THADA: variants seen among roughly 807,000 people sequenced by gnomAD.
THADA encodes THADA armadillo repeat containing.
Under a neutral mutation model 219.8 loss-of-function variants are expected in THADA, and 213 were observed. That is an observed-to-expected ratio of 0.97 (90% confidence interval 0.87 to 1.09). The LOEUF is 1.09. Among genes scored for constraint, THADA ranks in the 50% least tolerant of loss-of-function variants. The pLI is 0.00. For missense variants in THADA, 2,956 were observed against 2,311.3 expected, an observed-to-expected ratio of 1.28 and a Z score of -5.72; for synonymous variants, 1,018 against 828.9, an observed-to-expected ratio of 1.23 and a Z score of -3.92.
chr2:43,589,045 G>C (rs1475527053), intron 4 of THADA, among the ~76,000 whole-genome samples: 1 of 152,056 alleles, frequency 6.6e-6, no homozygotes, highest in Non-Finnish European at 1.5e-5. Context: ...GTAAAATGTT[G>C]CATATGGAAA....
At chr2:43,267,370 C>T (rs1671639851) in intron 36 of THADA, among the ~76,000 whole-genome samples, 1 of 152,212 alleles carries the variant, frequency 6.6e-6, no homozygotes, top group Middle Eastern at 3.2e-3. Flanking sequence ...TGTTAGTGCC[C>T]ATGCAGCTGG....
chr2:43,392,832 C>A (rs1673549765), intron 29 of THADA, among the ~76,000 whole-genome samples: 1 of 152,176 alleles, frequency 6.6e-6, no homozygotes, highest in African/African-American at 2.4e-5. Context: ...ATCCACAGCT[C>A]TCTTTAAGTT....
intron 26 of THADA, among the ~76,000 whole-genome samples, chr2:43,451,382 T>G (rs918676133): frequency 1.3e-5 from 2 of 152,178 alleles, no homozygotes; most frequent in African/African-American, 4.8e-5. Context: ...CAGAAGCACA[T>G]TCCATCCCCC....
intron 29 of THADA, among the ~76,000 whole-genome samples, chr2:43,362,560 T>C (rs1310385176): frequency 6.6e-6 from 1 of 152,212 alleles, no homozygotes; most frequent in Non-Finnish European, 1.5e-5. Flanking sequence ...TGAGTGGAGC[T>C]TGCAGGACTA....
At chr2:43,315,537 A>G (rs1256454368) in intron 31 of THADA, among the ~76,000 whole-genome samples, 2 of 151,744 alleles carry the variant, frequency 1.3e-5, no homozygotes, top group African/African-American at 4.8e-5. Flanking sequence ...ATCACAGATC[A>G]CTGCAGCCTT....
chr2:43,465,462 C>T (rs1393725011), intron 26 of THADA, among the ~76,000 whole-genome samples: 5 of 152,174 alleles, frequency 3.3e-5, no homozygotes, highest in Admixed American at 3.3e-4. Flanking sequence ...CCTCCTTCTA[C>T]AACTACCCAG....
chr2:43,593,891 C>T (rs913768943), intron 1 of THADA, among the ~76,000 whole-genome samples: 1 of 152,132 alleles, frequency 6.6e-6, no homozygotes, highest in Non-Finnish European at 1.5e-5. Context: ...CCTCGGCCCC[C>T]CAAAGTGCTG....
chr2:43,410,218 G>T (rs1676111491), intron 28 of THADA, among the ~76,000 whole-genome samples: 1 of 152,058 alleles, frequency 6.6e-6, no homozygotes, highest in Non-Finnish European at 1.5e-5. Context: ...CACTAGAAAG[G>T]CTAAAGTTAA....
chr2:43,247,948 CG>C (rs1669332024), intron 36 of THADA, among the ~76,000 whole-genome samples: 1 of 150,490 alleles, frequency 6.6e-6, no homozygotes. Context: ...GAAGCTGAGG[CG>C]GGAGGATTAC....
intron 17 of THADA, 21 bp downstream of exon 17, chr2:43,556,324 A>G: frequency 6.2e-7 from 1 of 1,609,886 alleles, no homozygotes; most frequent in Non-Finnish European, 8.5e-7. Flanking sequence ...CGTTTTGATA[A>G]GAGCAAACAT....
At chr2:43,276,232 G>T (rs1170596028) in intron 36 of THADA, among the ~76,000 whole-genome samples, 1 of 152,130 alleles carries the variant, frequency 6.6e-6, no homozygotes, top group African/African-American at 2.4e-5. Context: ...GGGGAGGGAG[G>T]GGCAGAGAGG....
intron 21 of THADA, among the ~76,000 whole-genome samples, chr2:43,538,031 A>G (rs773309137): frequency 6.6e-6 from 1 of 152,160 alleles, no homozygotes; most frequent in Non-Finnish European, 1.5e-5. Context: ...TTCTGTGGCG[A>G]TAATTACTGC....
At chr2:43,487,456 C>T (rs572392633) in intron 25 of THADA, among the ~76,000 whole-genome samples, 1 of 152,184 alleles carries the variant, frequency 6.6e-6, no homozygotes, top group Non-Finnish European at 1.5e-5. Context: ...TGGATACCCT[C>T]TGAAACAAAA....
chr2:43,558,781 C>T (rs1697706337), intron 16 of THADA, among the ~76,000 whole-genome samples: 2 of 152,004 alleles, frequency 1.3e-5, no homozygotes, highest in East Asian at 1.9e-4. Flanking sequence ...TAGTTCTGTC[C>T]CTCTAGAAAA....
At chr2:43,417,037 CTTTTTTT>C (rs67993873) in intron 28 of THADA, among the ~76,000 whole-genome samples, 20 of 93,780 alleles carry the variant, frequency 2.1e-4, no homozygotes, top group African/African-American at 2.4e-4. Flanking sequence ...TGGCTGTTTT[CTTTTTTT>C]TTTTTTTTTT....
intron 29 of THADA, among the ~76,000 whole-genome samples, chr2:43,387,657 C>G (rs1672859430): frequency 6.6e-6 from 1 of 152,160 alleles, no homozygotes; most frequent in African/African-American, 2.4e-5. Context: ...TTGCCCCCGC[C>G]TCCGCCCCCT....
chr2:43,265,990 C>G (rs1477264745), intron 36 of THADA, among the ~76,000 whole-genome samples: 3 of 106,336 alleles, frequency 2.8e-5, no homozygotes, highest in Admixed American at 9.9e-5. Flanking sequence ...CACACACACA[C>G]AGACTCTTGA....
chr2:43,542,646 TTA>T (rs1695477081), intron 20 of THADA, among the ~76,000 whole-genome samples: 1 of 152,202 alleles, frequency 6.6e-6, no homozygotes, highest in Non-Finnish European at 1.5e-5. Flanking sequence ...TTTGTTTCCT[TTA>T]AAAGCCTGCT....
chr2:43,301,804 G>C (rs2104408067), intron 31 of THADA, among the ~76,000 whole-genome samples: 1 of 152,248 alleles, frequency 6.6e-6, no homozygotes, highest in South Asian at 2.1e-4. Flanking sequence ...TGTTTTAGTG[G>C]TACAGTCTGT....
Sources: gnomAD v4.1 joint callset for allele counts (sites outside exome capture counted in the v4.1 genomes callset) on GRCh38, gnomAD v4.1.1 for gene constraint, MANE v1.5 for transcripts, NCBI Gene and HGNC (gene_info 2026-07-23, HGNC 2026-07-21) for gene names.